LMBR1: variants seen among roughly 807,000 people sequenced by gnomAD.
LMBR1 encodes the protein limb region 1 protein homolog.
LMBR1 carries 52 observed loss-of-function variants against 73.9 expected under a neutral mutation model. That is an observed-to-expected ratio of 0.70 (90% CI 0.56 to 0.89). The LOEUF (loss-of-function observed/expected upper bound fraction) is 0.89, where lower values mean the gene tolerates loss of function less well. LMBR1 is among the 40% of genes least tolerant of loss of function. The pLI, the probability that LMBR1 is intolerant of heterozygous loss-of-function variation, is 0.00. For synonymous variants in LMBR1, 215 were observed against 209.4 expected (o/e 1.03, Z -0.23); for missense variants, 539 against 579.8 (o/e 0.93, Z 0.72).
At chr7:156,729,737 G>T (rs7792784) in intron 10 of LMBR1, among the ~76,000 whole-genome samples, 27,528 of 151,946 alleles carry the variant, frequency 0.18, 2,900 homozygotes, top group African/African-American at 0.3. Flanking sequence ...CCTCCCAAAG[G>T]GCTGGGATTA....
chr7:156,815,865 T>C (rs1415374251), intron 4 of LMBR1, among the ~76,000 whole-genome samples: 2 of 152,114 alleles, frequency 1.3e-5, no homozygotes, highest in Non-Finnish European at 2.9e-5. Context: ...TTCTAACTTT[T>C]AACATCCAGA....
rs141335191 is a variant in LMBR1 at position 156,881,374 on chromosome 7, A to G, written c.66+11554T>C. Among the ~76,000 whole-genome samples the G allele has an allele frequency of 4.0e-4, 61 of 152,360 alleles. 1 individual carries two copies. The highest frequency in any genetic ancestry group is 1.4e-3 in the African/African-American group (60 of 41,582). ...AGACTTAAATGTAAAACATGAAACTATAAAACTCTCAGAGAAAAACACCGA... is the reference window on the plus strand; with the variant it reads ...AGACTTAAATGTAAAACATGAAACTGTAAAACTCTCAGAGAAAAACACCGA... On this transcript the variant is annotated intron_variant, in intron 1 of 16. Transcript: ENST00000353442.
intron 15 of LMBR1, among the ~76,000 whole-genome samples, chr7:156,705,774 A>G (rs1810795169): frequency 6.6e-6 from 1 of 152,222 alleles, no homozygotes; most frequent in Non-Finnish European, 1.5e-5. Flanking sequence ...AAAACTCACA[A>G]GTAAAACAAT....
chr7:156,854,732 C>CT (rs1796711686), intron 1 of LMBR1, among the ~76,000 whole-genome samples: 1 of 152,214 alleles, frequency 6.6e-6, no homozygotes, highest in Admixed American at 6.5e-5. Flanking sequence ...CCATAAAAGA[C>CT]TGAGACCTAA....
At position 156,847,481 on chromosome 7, in the gene LMBR1, A is replaced by T. The variant is rs148436162; in HGVS notation, c.67-10596T>A. Among the ~76,000 whole-genome samples, 3 of 152,344 alleles carry T rather than the reference A, an allele frequency of 2.0e-5. No homozygotes were observed. The East Asian group carries it at 5.8e-4, about 29-fold the overall frequency. ...TTAAAACTTGTGCTCTGCAACAGACACTGTCAAGGGAATGAAAAGAGAATC... is the reference window on the plus strand; with the variant it reads ...TTAAAACTTGTGCTCTGCAACAGACTCTGTCAAGGGAATGAAAAGAGAATC... On this transcript the variant is annotated intron_variant, in intron 1 of 16. Transcript: ENST00000353442.
chr7:156,813,738 T>A (rs1317792780), intron 4 of LMBR1, among the ~76,000 whole-genome samples: 4 of 152,230 alleles, frequency 2.6e-5, no homozygotes, highest in Non-Finnish European at 5.9e-5. Context: ...CAAATGATGT[T>A]GTATTAGAAA....
chr7:156,707,268 C>G (rs1811151530), intron 15 of LMBR1, among the ~76,000 whole-genome samples: 1 of 152,084 alleles, frequency 6.6e-6, no homozygotes, highest in African/African-American at 2.4e-5. Context: ...AAGAAAAGCC[C>G]AGGACCAGAT....
At chr7:156,882,644 A>G (rs548359506) in intron 1 of LMBR1, among the ~76,000 whole-genome samples, 6 of 152,344 alleles carry the variant, frequency 3.9e-5, no homozygotes, top group African/African-American at 1.2e-4. Context: ...TTACTAATCA[A>G]TGGGCATAAA....
intron 10 of LMBR1, among the ~76,000 whole-genome samples, chr7:156,731,352 G>C (rs1190948976): frequency 1.3e-5 from 2 of 152,162 alleles, no homozygotes; most frequent in African/African-American, 4.8e-5. Context: ...AGCAATATCT[G>C]ATAAGACAAT....
At chr7:156,819,851 A>C (rs1267903969) in intron 4 of LMBR1, among the ~76,000 whole-genome samples, 2 of 152,132 alleles carry the variant, frequency 1.3e-5, no homozygotes, top group South Asian at 4.1e-4. Context: ...TCCAGAAGGC[A>C]ATTAATGGAA....
At chr7:156,741,269 G>T (rs1372452776) in intron 9 of LMBR1, among the ~76,000 whole-genome samples, 1 of 152,028 alleles carries the variant, frequency 6.6e-6, no homozygotes, top group Non-Finnish European at 1.5e-5. Flanking sequence ...AACCAGAAAA[G>T]AAGTAACAAA....
At chr7:156,755,004 T>G (rs1255393409) in intron 9 of LMBR1, among the ~76,000 whole-genome samples, 2 of 152,226 alleles carry the variant, frequency 1.3e-5, no homozygotes, top group African/African-American at 4.8e-5. Context: ...GAAAAGATTT[T>G]AGACAATCTA....
chr7:156,767,179 CT>C (rs1354045720), intron 5 of LMBR1, among the ~76,000 whole-genome samples: 1 of 152,104 alleles, frequency 6.6e-6, no homozygotes, highest in African/African-American at 2.4e-5. Context: ...ACAGACCCCC[CT>C]GAGCATGCAG....
At chr7:156,789,806 T>C (rs1288897960) in intron 5 of LMBR1, among the ~76,000 whole-genome samples, 1 of 152,152 alleles carries the variant, frequency 6.6e-6, no homozygotes, top group Non-Finnish European at 1.5e-5. Context: ...CAACCAAGGG[T>C]GAGTAGTTTT....
chr7:156,735,428 C>T (rs554364068), intron 9 of LMBR1, among the ~76,000 whole-genome samples: 2 of 151,800 alleles, frequency 1.3e-5, no homozygotes, highest in African/African-American at 4.8e-5. Context: ...CTGTTTTCTG[C>T]TTGTTTCTCT....
intron 9 of LMBR1, among the ~76,000 whole-genome samples, chr7:156,750,662 G>A (rs1238405449): frequency 6.6e-6 from 1 of 152,056 alleles, no homozygotes; most frequent in African/African-American, 2.4e-5. Context: ...CATCATGTGC[G>A]TTTTTCATCT....
chr7:156,806,892 G>A (rs138802135), intron 4 of LMBR1, among the ~76,000 whole-genome samples: 4,853 of 152,184 alleles, frequency 0.032, 126 homozygotes, highest in South Asian at 0.085. Context: ...GATTACAGGC[G>A]TGAGCCACTA....
At chr7:156,803,693 C>T (rs548159092) in intron 4 of LMBR1, among the ~76,000 whole-genome samples, 104 of 152,070 alleles carry the variant, frequency 6.8e-4, no homozygotes, top group Middle Eastern at 3.4e-3. Context: ...CACATGCACA[C>T]GTATGTTTAT....
At chr7:156,779,264 T>C (rs1422602069) in intron 5 of LMBR1, among the ~76,000 whole-genome samples, 1 of 152,188 alleles carries the variant, frequency 6.6e-6, no homozygotes, top group Non-Finnish European at 1.5e-5. Context: ...ACCCGTTAAG[T>C]TTAAATTACT....
Sources: allele counts gnomAD v4.1 joint callset (sites outside exome capture counted in the v4.1 genomes callset), GRCh38; gene constraint gnomAD v4.1.1; transcripts MANE v1.5; gene names NCBI Gene and HGNC (gene_info 2026-07-23, HGNC 2026-07-21).